Variants in PDE1C observed in about 807,000 individuals in gnomAD.
PDE1C encodes the protein phosphodiesterase 1C, also known as dual specificity calcium/calmodulin-dependent 3',5'-cyclic nucleotide phosphodiesterase 1C.
In PDE1C, 62 loss-of-function variants were observed where a neutral mutation model predicts 93.1. The ratio of observed to expected loss-of-function variants is 0.67; its 90% confidence interval spans 0.54 to 0.82. The LOEUF (loss-of-function observed/expected upper bound fraction) is 0.82. PDE1C is among the 40% of genes least tolerant of loss of function. The probability of loss-of-function intolerance (pLI) is 0.00; values close to 1 mark genes in which losing one functional copy is unlikely to be tolerated. For missense variants in PDE1C, 742 were observed against 884.6 expected, an observed-to-expected ratio of 0.84 and a Z score of 2.04; for synonymous variants, 325 against 310.1, an observed-to-expected ratio of 1.05 and a Z score of -0.50.
At chr7:32,265,343 C>T (rs1193006904) in intron 1 of PDE1C, among the ~76,000 whole-genome samples, 1 of 152,162 alleles carries the variant, frequency 6.6e-6, no homozygotes, top group East Asian at 1.9e-4. Context: ...ATCCAACTGT[C>T]CCCCAGCCAT....
At chr7:31,664,742 G>C in the PDE1C span, among the ~76,000 whole-genome samples, 1 of 152,296 alleles carries the variant, frequency 6.6e-6, no homozygotes, top group South Asian at 2.1e-4. Context: ...AGTCTTTTCA[G>C]ATCATGAGGA....
At chr7:31,873,891 G>C (rs542449435) in intron 5 of PDE1C, among the ~76,000 whole-genome samples, 1 of 152,146 alleles carries the variant, frequency 6.6e-6, no homozygotes, top group Non-Finnish European at 1.5e-5. Context: ...TACAGCCTAC[G>C]ATGCTTCTCT....
chr7:32,143,177 A>G (rs1460737249), intron 3 of PDE1C, among the ~76,000 whole-genome samples: 1 of 151,948 alleles, frequency 6.6e-6, no homozygotes, highest in Non-Finnish European at 1.5e-5. Flanking sequence ...TAGAAAAATG[A>G]GTCTGTGAAA....
chr7:31,994,729 A>G (rs1166828901), intron 2 of PDE1C, among the ~76,000 whole-genome samples: 1 of 152,210 alleles, frequency 6.6e-6, no homozygotes, highest in Non-Finnish European at 1.5e-5. Context: ...GGTGAAAAAA[A>G]TATCTGCAAA....
At chr7:31,902,427 G>A (rs1800101524) in intron 2 of PDE1C, among the ~76,000 whole-genome samples, 1 of 151,880 alleles carries the variant, frequency 6.6e-6, no homozygotes, top group Admixed American at 6.6e-5. Context: ...TCTGTGCTAA[G>A]CAGCACAGGA....
intron 16 of PDE1C, chr7:31,785,908 C>T (rs1306415712): frequency 6.6e-6 from 1 of 152,136 alleles, no homozygotes; most frequent in Non-Finnish European, 1.5e-5. Flanking sequence ...ATTGTCATTG[C>T]TCATTATAAT....
chr7:32,080,027 T>G (rs1796569578), intron 3 of PDE1C, among the ~76,000 whole-genome samples: 2 of 151,256 alleles, frequency 1.3e-5, no homozygotes, highest in African/African-American at 4.9e-5. Context: ...CAGGCAAGAG[T>G]AGGAGGAAAA....
At chr7:32,031,664 G>A (rs142323842) in intron 2 of PDE1C, among the ~76,000 whole-genome samples, 75 of 152,300 alleles carry the variant, frequency 4.9e-4, no homozygotes, top group Non-Finnish European at 7.8e-4. Context: ...ATGATCTTGC[G>A]TTCAAGGAGG....
the PDE1C span, among the ~76,000 whole-genome samples, chr7:31,694,380 T>TCAAACACA: frequency 9.6e-4 from 105 of 109,208 alleles, no homozygotes; most frequent in African/African-American, 3.9e-3. Flanking sequence ...TCTCTCTCTC[T>TCAAACACA]CTCTCAAACA....
chr7:31,952,540 G>C (rs2008836), intron 2 of PDE1C, among the ~76,000 whole-genome samples: 10,018 of 152,220 alleles, frequency 0.066, 576 homozygotes, highest in African/African-American at 0.16. Context: ...GTGAGCCACT[G>C]CACCCAGTGA....
chr7:31,962,602 C>T (rs76689753), intron 2 of PDE1C, among the ~76,000 whole-genome samples: 6,020 of 152,190 alleles, frequency 0.04, 129 homozygotes, highest in South Asian at 0.089. Context: ...GCCTGAAAAT[C>T]TAGAGAAGGC....
the PDE1C span, among the ~76,000 whole-genome samples, chr7:31,683,646 TG>T: frequency 6.6e-6 from 1 of 152,144 alleles, no homozygotes; most frequent in Non-Finnish European, 1.5e-5. Flanking sequence ...AACAGGCCTA[TG>T]AATATTCAGT....
At position 31,847,354 on chromosome 7, in the gene PDE1C, A is replaced by G. The variant is rs533024329; in HGVS notation, c.980+614T>C. 1.2e-4 allele frequency among the ~76,000 whole-genome samples: 18 copies of G among 152,294 alleles called. No homozygotes were observed. In the South Asian group the frequency reaches 3.7e-3, roughly 32 times the overall value. ...CACAGGTATGTGCCTAAATCCAAAC[A>G]CACAATTTCTGTCATTCATGCAACA... On this transcript the variant is annotated intron_variant, in intron 9 of 17. Coordinates refer to ENST00000396191, the MANE Select transcript of PDE1C (RefSeq NM_001191057.4).
At chr7:32,079,958 C>T (rs1796566532) in intron 3 of PDE1C, among the ~76,000 whole-genome samples, 1 of 152,058 alleles carries the variant, frequency 6.6e-6, no homozygotes, top group Non-Finnish European at 1.5e-5. Context: ...TCACGGATGG[C>T]CTCCACAAGC....
At chr7:31,724,510 C>T in the PDE1C span, among the ~76,000 whole-genome samples, 7 of 152,180 alleles carry the variant, frequency 4.6e-5, no homozygotes, top group Admixed American at 4.6e-4. Context: ...AAAGCATCTC[C>T]CACCTGCTGT....
intron 1 of PDE1C, among the ~76,000 whole-genome samples, chr7:32,247,337 C>G (rs1371193463): frequency 7.9e-6 from 1 of 126,616 alleles, no homozygotes; most frequent in Non-Finnish European, 1.8e-5. Context: ...AGGGTAAGGG[C>G]TCCTGTCTTA....
At chr7:32,223,289 G>A (rs890122168) in intron 1 of PDE1C, among the ~76,000 whole-genome samples, 1 of 152,214 alleles carries the variant, frequency 6.6e-6, no homozygotes, top group Non-Finnish European at 1.5e-5. Flanking sequence ...TGGCCACCCT[G>A]ACAGACCGTT....
chr7:31,797,519 G>A (rs1292020501), intron 16 of PDE1C, among the ~76,000 whole-genome samples: 1 of 151,762 alleles, frequency 6.6e-6, no homozygotes, highest in Non-Finnish European at 1.5e-5. Flanking sequence ...AAACAGTTAA[G>A]CACTGAAGTT....
At chr7:31,620,037 T>C in the PDE1C span, among the ~76,000 whole-genome samples, 4 of 152,014 alleles carry the variant, frequency 2.6e-5, no homozygotes, top group Non-Finnish European at 5.9e-5. Flanking sequence ...AACTGCAAGG[T>C]GGCAGCGAGG....
Sources: allele counts gnomAD v4.1 joint callset (sites outside exome capture counted in the v4.1 genomes callset), GRCh38; gene constraint gnomAD v4.1.1; transcripts MANE v1.5; gene names NCBI Gene and HGNC (gene_info 2026-07-23, HGNC 2026-07-21).